Variants in KCNG3 observed in about 807,000 individuals in gnomAD.
KCNG3 encodes the protein potassium voltage-gated channel modifier subfamily G member 3, also known as voltage-gated potassium channel regulatory subunit KCNG3.
KCNG3 carries 15 observed loss-of-function variants against 29.0 expected under a neutral mutation model. The ratio of observed to expected loss-of-function variants is 0.52; its 90% CI spans 0.35 to 0.80. KCNG3 has a LOEUF of 0.80. Among genes scored for constraint, KCNG3 ranks in the 30% least tolerant of loss-of-function variants. KCNG3 has a pLI of 0.01. For synonymous variants in KCNG3, 322 were observed against 248.9 expected (o/e 1.29, Z -2.76); for missense variants, 512 against 605.7 (o/e 0.85, Z 1.62).
intron 1 of KCNG3, among the ~76,000 whole-genome samples, chr2:42,480,700 G>A (rs186453423): frequency 2.3e-3 from 333 of 147,894 alleles, no homozygotes; most frequent in African/African-American, 8.0e-3. Flanking sequence ...GCTGAGATAG[G>A]AAGAGCCTTT....
the KCNG3 span, among the ~76,000 whole-genome samples, chr2:42,409,648 G>C: frequency 2.1e-4 from 29 of 135,372 alleles, no homozygotes; most frequent in Admixed American, 2.3e-3. Context: ...AGTTTGCAGT[G>C]AGCCATGATT....
the KCNG3 span, among the ~76,000 whole-genome samples, chr2:42,413,197 G>A: frequency 6.6e-6 from 1 of 152,066 alleles, no homozygotes; most frequent in African/African-American, 2.4e-5. Flanking sequence ...TAGAGACAGG[G>A]TCTCACTACA....
chr2:42,468,768 G>A (rs183187742), intron 1 of KCNG3, among the ~76,000 whole-genome samples: 94 of 151,234 alleles, frequency 6.2e-4, no homozygotes, highest in Non-Finnish European at 9.1e-4. Flanking sequence ...ACCTGGCCAA[G>A]ATGGTGAAAC....
chr2:42,407,177 C>CTTTTTT, the KCNG3 span, among the ~76,000 whole-genome samples: 39 of 133,140 alleles, frequency 2.9e-4, no homozygotes, highest in African/African-American at 9.7e-4. Context: ...TCTGCTTGAT[C>CTTTTTT]TTTTTTTTTT....
At chr2:42,416,118 C>G in the KCNG3 span, among the ~76,000 whole-genome samples, 3 of 151,446 alleles carry the variant, frequency 2.0e-5, no homozygotes, top group African/African-American at 7.3e-5. Flanking sequence ...GGCTGAGGCA[C>G]GAGAGTCACT....
intron 1 of KCNG3, among the ~76,000 whole-genome samples, chr2:42,464,468 T>A (rs555174711): frequency 2.0e-5 from 3 of 152,194 alleles, no homozygotes; most frequent in Non-Finnish European, 2.9e-5. Flanking sequence ...TAGTCATGAA[T>A]ACAAAAACAT....
At chr2:42,399,926 G>C in the KCNG3 span, among the ~76,000 whole-genome samples, 1 of 152,128 alleles carries the variant, frequency 6.6e-6, no homozygotes, top group Non-Finnish European at 1.5e-5. Flanking sequence ...GAGTTCTTCA[G>C]GACAAAGGAT....
At chr2:42,389,654 T>A in the KCNG3 span, among the ~76,000 whole-genome samples, 16 of 152,348 alleles carry the variant, frequency 1.1e-4, no homozygotes, top group Middle Eastern at 3.4e-3. Flanking sequence ...TATCCTAATG[T>A]TGATATATTA....
chr2:42,493,101 A>C lies in KCNG3; in HGVS notation c.401T>G (p.Val134Gly). The C allele has an allele frequency of 6.3e-7, 1 of 1,585,274 alleles. No individual in the cohort carries two copies. Among genetic ancestry groups the C allele is most frequent in the Non-Finnish European group, 8.5e-7 (1 of 1,170,252 alleles). Residue 134 changes from valine (V) to glycine (G), a missense_variant, in exon 1 of 2, where the codon GTG becomes GGG. This residue lies in a region of KCNG3 where 228 missense variants were observed against 200.0 expected (regional missense o/e 1.14). Coordinates refer to ENST00000306078, the MANE Select transcript of KCNG3 (RefSeq NM_133329.6). ...YTFYSADEPG[V>G]LGRDEARPGG... ...GGGGCGCGCCTCGTCGCGGCCCAGC[A>C]CGCCCGGCTCGTCGGCCGAGTAGAA...
In KCNG3 at chr2:42,493,105, C is replaced by T. The variant is rs774771903; in HGVS notation, c.397G>A (p.Gly133Ser). 4.4e-6 allele frequency: 7 copies of T among 1,588,516 alleles called. No homozygotes were observed. The Admixed American group carries it at 1.0e-4, about 24-fold the overall frequency. The stretch of plus-strand genomic sequence containing the variant: ...CGCGCCTCGTCGCGGCCCAGCACGC[C>T]CGGCTCGTCGGCCGAGTAGAAGGTG... ...TYTFYSADEP[G>S]VLGRDEARPG... The change falls in exon 1 of 2, where the codon GGC becomes AGC. Residue 133 changes from glycine to serine, a missense_variant. Physicochemically the swap from Gly to Ser is moderately conservative, Grantham distance 56. Coordinates refer to ENST00000306078, the MANE Select transcript of KCNG3 (RefSeq NM_133329.6).
chr2:42,400,130 TGTGGGA>T, the KCNG3 span, among the ~76,000 whole-genome samples: 1 of 151,938 alleles, frequency 6.6e-6, no homozygotes, highest in Non-Finnish European at 1.5e-5. Context: ...ATATGGGCAG[TGTGGGA>T]GAGGGCTGGC....
the KCNG3 span, among the ~76,000 whole-genome samples, chr2:42,427,382 T>A: frequency 6.6e-6 from 1 of 152,134 alleles, no homozygotes; most frequent in Non-Finnish European, 1.5e-5. Flanking sequence ...GGCAGGTGGA[T>A]TTGCTTGAGC....
At chr2:42,471,364 T>A (rs1051750712) in intron 1 of KCNG3, among the ~76,000 whole-genome samples, 1 of 152,088 alleles carries the variant, frequency 6.6e-6, no homozygotes. Context: ...TGGATGAATC[T>A]TGATAATAAA....
At chr2:42,461,182 C>CAAAA (rs34199989) in intron 1 of KCNG3, among the ~76,000 whole-genome samples, 66 of 56,400 alleles carry the variant, frequency 1.2e-3, no homozygotes, top group African/African-American at 3.4e-3. Context: ...CAAAACAAAA[C>CAAAA]AAAAAAAAAA....
chr2:42,464,604 C>G (rs531858871), intron 1 of KCNG3, among the ~76,000 whole-genome samples: 1 of 152,184 alleles, frequency 6.6e-6, no homozygotes, highest in African/African-American at 2.4e-5. Context: ...TGCCACTCTC[C>G]GCCTTGTACC....
At chr2:42,448,389 T>G (rs539512246) in intron 1 of KCNG3, among the ~76,000 whole-genome samples, 1 of 151,856 alleles carries the variant, frequency 6.6e-6, no homozygotes, top group East Asian at 1.9e-4. Flanking sequence ...ATTTATTTTT[T>G]GTATGGCATG....
At chr2:42,400,743 T>TA in the KCNG3 span, among the ~76,000 whole-genome samples, 4 of 152,138 alleles carry the variant, frequency 2.6e-5, no homozygotes, top group Non-Finnish European at 4.4e-5. Flanking sequence ...CCGGAGTTTT[T>TA]ATCCAGGAGC....
chr2:42,452,243 A>ATATATATATATATTTTT lies in KCNG3; in HGVS notation c.666-7665_666-7664insAAAAATATATATATATA. On this transcript the variant is annotated intron_variant, in intron 1 of 1. Transcript: ENST00000306078. ...TAAATATATATATATATATATATAT[A>ATATATATATATATTTTT]TTTTTTTTTTTTTTTTAAAGGAAAC... Among the ~76,000 whole-genome samples the ATATATATATATATTTTT allele has an allele frequency of 1.6e-3, 148 of 95,002 alleles. 1 individual carries two copies. Among genetic ancestry groups the ATATATATATATATTTTT allele is most frequent in the East Asian group, 6.0e-3 (13 of 2,178 alleles). The allele number at this position is 95,002 out of a possible 152,430, so 62.3% of individuals were successfully genotyped here. A position where few individuals can be genotyped will look rare whatever the true frequency, so the allele number is the denominator to read the frequency against.
the KCNG3 span, among the ~76,000 whole-genome samples, chr2:42,427,196 A>G: frequency 6.6e-6 from 1 of 152,326 alleles, no homozygotes; most frequent in South Asian, 2.1e-4. Flanking sequence ...TGTGCACCAA[A>G]ATTCAAGGTA....
Sources: gnomAD v4.1 joint callset for allele counts (sites outside exome capture counted in the v4.1 genomes callset) on GRCh38, gnomAD v4.1.1 for gene constraint, gnomAD v4.1.1 regional missense constraint, MANE v1.5 for transcripts, NCBI Gene and HGNC (gene_info 2026-07-23, HGNC 2026-07-21) for gene names.